Variants in RIN3 observed in about 807,000 individuals in gnomAD.
RIN3 encodes the protein RAB5 interacting protein 3.
In RIN3, 54 loss-of-function variants were observed where a neutral mutation model predicts 76.3. The observed-to-expected ratio is 0.71, with a 90% confidence interval of 0.57 to 0.89. The LOEUF (loss-of-function observed/expected upper bound fraction) is 0.89. RIN3 is among the 40% of genes least tolerant of loss of function. The pLI is 0.00. For synonymous variants in RIN3, 576 were observed against 564.0 expected (o/e 1.02, Z -0.30); for missense variants, 1,256 against 1,322.1 (o/e 0.95, Z 0.78).
intron 2 of RIN3, among the ~76,000 whole-genome samples, chr14:92,558,808 G>A (rs771787427): frequency 1.2e-4 from 19 of 152,144 alleles, no homozygotes; most frequent in Non-Finnish European, 2.5e-4. Flanking sequence ...CCTGATAGTC[G>A]TGGGTCAAAG....
At chr14:92,546,001 C>A (rs1441089524) in intron 1 of RIN3, among the ~76,000 whole-genome samples, 4 of 151,902 alleles carry the variant, frequency 2.6e-5, no homozygotes, top group African/African-American at 9.7e-5. Flanking sequence ...TCTCGGCTCA[C>A]TGCAACCTCT....
intron 7 of RIN3, 123 bp downstream of exon 7, chr14:92,659,592 T>TG (rs1461962730): frequency 8.7e-6 from 8 of 922,616 alleles, no homozygotes; most frequent in Non-Finnish European, 1.3e-5. Flanking sequence ...AGAGCCCCCT[T>TG]GGGGAGGAAC....
Position 92,659,327 on chromosome 14 carries a change from C to T in RIN3, c.2193C>T (p.Thr731=), listed in dbSNP as rs1442189712. ...ATTTTDLGVT[T]SVPEVPMMEK... is the part of the protein sequence containing the mutation. ...CCACCACTGACCTAGGTGTGACCAC[C>T]AGCGTGCCGGAGGTGCCCATGATGG... Residue 731 remains threonine (T), a synonymous_variant, in exon 7 of 10, where the codon ACC becomes ACT. Transcript: ENST00000216487. The T allele has an allele frequency of 6.2e-7, 1 of 1,612,640 alleles. No homozygotes were observed. The highest frequency in any genetic ancestry group is 8.5e-7 in the Non-Finnish European group (1 of 1,179,200).
In RIN3 at chr14:92,547,103, A is replaced by AAG. The variant is rs1897291108; in HGVS notation, c.45-8648_45-8647insAG. ...TTATATTATATTATATTATAATTAA[A>AAG]TAAATTATCTTTATTTTATTATTAT... On this transcript the variant is annotated intron_variant, in intron 1 of 9. Transcript: ENST00000216487. 1.5e-4 allele frequency among the ~76,000 whole-genome samples: 12 copies of AAG among 82,464 alleles called. 3 individuals are homozygous for AAG. Among genetic ancestry groups the AAG allele is most frequent in the South Asian group, 7.6e-4 (2 of 2,616 alleles). 54.1% of individuals were successfully genotyped at this position (82,464 alleles called of 152,430 possible).
chr14:92,554,904 CAG>C (rs929630494), intron 1 of RIN3, among the ~76,000 whole-genome samples: 6 of 152,088 alleles, frequency 3.9e-5, no homozygotes, highest in African/African-American at 1.4e-4. Flanking sequence ...GCCTGGGCGA[CAG>C]AGCAAGAATC....
At chr14:92,675,228 G>A (rs1054257900) in intron 7 of RIN3, among the ~76,000 whole-genome samples, 3 of 152,192 alleles carry the variant, frequency 2.0e-5, no homozygotes, top group African/African-American at 7.2e-5. Context: ...GTAGGTTCCT[G>A]CTTATTTGCA....
intron 1 of RIN3, among the ~76,000 whole-genome samples, chr14:92,551,760 T>C (rs1897432157): frequency 6.6e-6 from 1 of 152,254 alleles, no homozygotes; most frequent in Non-Finnish European, 1.5e-5. Flanking sequence ...TTCTTTGAAG[T>C]ATCTGTTCAA....
chr14:92,654,149 A>C (rs1887574973), intron 6 of RIN3, among the ~76,000 whole-genome samples: 1 of 152,062 alleles, frequency 6.6e-6, no homozygotes, highest in South Asian at 2.1e-4. Context: ...CCCCATCTCT[A>C]CTAAAAATAC....
At chr14:92,572,273 G>A (rs948108692) in intron 2 of RIN3, among the ~76,000 whole-genome samples, 6 of 152,242 alleles carry the variant, frequency 3.9e-5, no homozygotes, top group Non-Finnish European at 5.9e-5. Flanking sequence ...GTGTTTACTG[G>A]AGTTGTGCGC....
intron 1 of RIN3, among the ~76,000 whole-genome samples, chr14:92,534,856 G>A (rs982420632): frequency 5.9e-5 from 9 of 152,152 alleles, no homozygotes; most frequent in Non-Finnish European, 1.2e-4. Context: ...CCCCTGAAGT[G>A]TTCACCTGTT....
chr14:92,573,058 T>C (rs896028589), intron 2 of RIN3, among the ~76,000 whole-genome samples: 1 of 151,876 alleles, frequency 6.6e-6, no homozygotes, highest in Non-Finnish European at 1.5e-5. Flanking sequence ...ATTTTTGTAT[T>C]GTTAGTAGAA....
chr14:92,549,955 G>T (rs1242162368), intron 1 of RIN3, among the ~76,000 whole-genome samples: 1 of 152,196 alleles, frequency 6.6e-6, no homozygotes, highest in East Asian at 1.9e-4. Context: ...GGTCCTTAGC[G>T]GAGTGGGAGT....
chr14:92,624,076 G>A (rs951905608), intron 4 of RIN3, among the ~76,000 whole-genome samples: 1 of 152,250 alleles, frequency 6.6e-6, no homozygotes, highest in Non-Finnish European at 1.5e-5. Flanking sequence ...GCGCACAAGC[G>A]TAACAGTCGC....
At position 92,546,299 on chromosome 14, in the gene RIN3, A is replaced by G. The variant is rs143854774; in HGVS notation, c.45-9452A>G. Among the ~76,000 whole-genome samples, 1,171 of 152,320 alleles carry G rather than the reference A, an allele frequency of 7.7e-3. 16 individuals are homozygous for G. The highest frequency in any genetic ancestry group is 0.026 in the African/African-American group (1,083 of 41,570). On this transcript the variant is annotated intron_variant, in intron 1 of 9. Coordinates refer to ENST00000216487, the MANE Select transcript of RIN3 (RefSeq NM_024832.5). ...GTGCATGTGATCTTCTGACACATTC[A>G]TGTAATGTATCAGAATCAAATCGGG...
intron 3 of RIN3, among the ~76,000 whole-genome samples, chr14:92,612,201 CTG>C (rs1445751299): frequency 6.6e-5 from 10 of 152,178 alleles, no homozygotes; most frequent in Non-Finnish European, 1.0e-4. Flanking sequence ...GGTGAAGAAA[CTG>C]AGGCACAGAG....
At chr14:92,565,043 G>A (rs1897880453) in intron 2 of RIN3, among the ~76,000 whole-genome samples, 1 of 152,202 alleles carries the variant, frequency 6.6e-6, no homozygotes, top group East Asian at 1.9e-4. Context: ...GAGTGTCCTG[G>A]AGGTGGACAA....
chr14:92,536,840 TC>T (rs1897013592), intron 1 of RIN3, among the ~76,000 whole-genome samples: 1 of 140,058 alleles, frequency 7.1e-6, no homozygotes, highest in Non-Finnish European at 1.5e-5. Flanking sequence ...GGTTTCTTCC[TC>T]TCTAAAATGG....
At chr14:92,561,758 C>G (rs958356291) in intron 2 of RIN3, among the ~76,000 whole-genome samples, 3 of 152,220 alleles carry the variant, frequency 2.0e-5, no homozygotes, top group Non-Finnish European at 4.4e-5. Context: ...GATCATGGCT[C>G]ACTGCAGCCT....
At chr14:92,590,932 A>G (rs1884957722) in intron 3 of RIN3, among the ~76,000 whole-genome samples, 1 of 152,202 alleles carries the variant, frequency 6.6e-6, no homozygotes, top group Non-Finnish European at 1.5e-5. Flanking sequence ...GGCCATCAAG[A>G]GAAACTTACA....
Sources: allele counts gnomAD v4.1 joint callset (sites outside exome capture counted in the v4.1 genomes callset), GRCh38; gene constraint gnomAD v4.1.1; transcripts MANE v1.5; gene names NCBI Gene and HGNC (gene_info 2026-07-23, HGNC 2026-07-21).